Variants in MAST3 observed in about 807,000 individuals in gnomAD.
The protein encoded by MAST3 is microtubule associated serine/threonine kinase 3.
In MAST3, 43 loss-of-function variants were observed where a neutral mutation model predicts 127.0. The observed-to-expected ratio is 0.34, with a 90% CI of 0.27 to 0.44. MAST3 has a LOEUF of 0.44. Ranked by LOEUF, MAST3 falls within the 20% of genes least tolerant of loss-of-function variation. The pLI, the probability that MAST3 is intolerant of heterozygous loss-of-function variation, is 1.00. For missense variants in MAST3, 1,390 were observed against 1,919.1 expected (o/e 0.72, Z 5.15); for synonymous variants, 785 against 809.2 (o/e 0.97, Z 0.51).
intron 20 of MAST3, among the ~76,000 whole-genome samples, chr19:18,141,148 T>A (rs1017341763): frequency 7.2e-5 from 11 of 152,146 alleles, no homozygotes; most frequent in African/African-American, 2.4e-4. Flanking sequence ...ACTTTTTTTA[T>A]GATCTGATCA....
chr19:18,130,356 TAAGGAGAA>T, intron 13 of MAST3, 130 bp from the exon 14 acceptor site: 1 of 728,582 alleles, frequency 1.4e-6, no homozygotes, highest in Non-Finnish European at 2.3e-6. Context: ...GGGGAACAGG[TAAGGAGAA>T]TGGGTGGCCC....
At chr19:18,136,316 G>A (rs1047015257) in intron 18 of MAST3, among the ~76,000 whole-genome samples, 2 of 152,218 alleles carry the variant, frequency 1.3e-5, no homozygotes, top group African/African-American at 2.4e-5. Context: ...GGAGAAGCCC[G>A]GGAAGGAGGC....
intron 27 of MAST3, among the ~76,000 whole-genome samples, chr19:18,148,801 G>T (rs772285895): frequency 3.3e-5 from 5 of 152,122 alleles, no homozygotes; most frequent in Non-Finnish European, 7.3e-5. Context: ...TACTTAGGGG[G>T]CCGAGGCACG....
At chr19:18,138,463 C>T (rs2042113166) in intron 19 of MAST3, among the ~76,000 whole-genome samples, 1 of 151,616 alleles carries the variant, frequency 6.6e-6, no homozygotes, top group Admixed American at 6.6e-5. Context: ...TTACAGGTGC[C>T]TGCCACCATG....
rs1599666458 is a variant in MAST3 at position 18,107,718 on chromosome 19, C to T, written c.71+100C>T. The T allele has an allele frequency of 9.9e-6, 12 of 1,210,848 alleles. No homozygotes were observed. In the East Asian group the frequency reaches 2.2e-4, roughly 22 times the overall value. The allele number at this position is 1,210,848 out of a possible 1,614,324, so 75.0% of individuals were successfully genotyped here. A position where few individuals can be genotyped will look rare whatever the true frequency, so the allele number is the denominator to read the frequency against. On this transcript the variant is annotated intron_variant, in intron 2 of 27. Coordinates refer to ENST00000687212, the MANE Select transcript of MAST3 (RefSeq NM_001393504.1). ...GAATTGTGAATGTATTTAATAATTA[C>T]AGCAACACATCTCATGTTCATTCTT...
At position 18,139,012 on chromosome 19, in the gene MAST3, C is replaced by T; in HGVS notation, c.2096-3C>T. On this transcript the variant is annotated splice_polypyrimidine_tract_variant and splice_region_variant and intron_variant, in intron 19 of 27. Transcript: ENST00000687212. Reference sequence around the variant, plus strand: ...GTGCTGCATGTGCCTCTCCCTCCCACAGCACGTTCGGAACGTTACCGCCAT... The same window carrying T: ...GTGCTGCATGTGCCTCTCCCTCCCATAGCACGTTCGGAACGTTACCGCCAT... 6 of 1,580,466 alleles carry T rather than the reference C, an allele frequency of 3.8e-6. No individual in the cohort carries two copies. The highest frequency in any genetic ancestry group is 5.2e-6 in the Non-Finnish European group (6 of 1,162,250).
intron 18 of MAST3, among the ~76,000 whole-genome samples, chr19:18,137,026 TG>T (rs1221230596): frequency 2.0e-5 from 3 of 152,174 alleles, no homozygotes; most frequent in Non-Finnish European, 4.4e-5. Context: ...TTTGCCATGC[TG>T]GCCAGACTGG....
chr19:18,106,623 G>A (rs1482364432), intron 1 of MAST3, among the ~76,000 whole-genome samples: 1 of 151,186 alleles, frequency 6.6e-6, no homozygotes, highest in African/African-American at 2.4e-5. Flanking sequence ...CCAGGCTGGA[G>A]TGCAATGGTG....
chr19:18,110,242 C>G lies in MAST3; in HGVS notation c.72-410C>G. 1 of 985,538 alleles carries G rather than the reference C, an allele frequency of 1.0e-6. No individual in the cohort carries two copies. The highest frequency in any genetic ancestry group is 1.2e-6 in the Non-Finnish European group (1 of 830,006). 61.0% of individuals were successfully genotyped at this position (985,538 alleles called of 1,614,324 possible). ...CCGTGTGTCCGTCCGTCGGTCCGCT[C>G]GCGCCACGATCAGGGCTTCCGGGGG... On this transcript the variant is annotated intron_variant, in intron 2 of 27. Transcript: ENST00000687212. The surrounding 1 kb of genome is among the most constrained non-coding windows in gnomAD (Gnocchi z 4.3).
chr19:18,122,847 G>A (rs1249150249), intron 6 of MAST3, 96 bp downstream of exon 6: 3 of 1,311,466 alleles, frequency 2.3e-6, no homozygotes, highest in East Asian at 5.0e-5. Context: ...GGATAGTTGT[G>A]CAGTCAGCAA....
chr19:18,130,807 G>A (rs1815598204), intron 14 of MAST3, 105 bp downstream of exon 14: 2 of 1,155,514 alleles, frequency 1.7e-6, no homozygotes, highest in South Asian at 2.8e-5. Flanking sequence ...TCCTCCATGA[G>A]GTCTCACCCT....
Position 18,128,422 on chromosome 19 carries a change from CGAA to C in MAST3, c.1108_1110del (p.Glu370del). 6.4e-7 allele frequency: 1 copy of C among 1,556,052 alleles called. No individual in the cohort carries two copies. Among genetic ancestry groups the C allele is most frequent in the Non-Finnish European group, 8.7e-7 (1 of 1,150,220 alleles). Reference sequence around the variant, plus strand: ...CAGAGATGGTGCCACTGAGTCACCTCGAAGAAGAACAGCCCCCAGCACCTGAGT... The same window carrying C: ...CAGAGATGGTGCCACTGAGTCACCTCGAAGAACAGCCCCCAGCACCTGAGT... On this transcript the variant is annotated inframe_deletion, in exon 12 of 28. Coordinates refer to ENST00000687212, the MANE Select transcript of MAST3 (RefSeq NM_001393504.1).
In MAST3 at chr19:18,110,413, G is replaced by C; in HGVS notation, c.72-239G>C. Reference sequence around the variant, plus strand: ...GGTATGCGGGGTGCAGGGAGGACAGGATGACAACTACCCTCCCCCCACGTC... The same window carrying C: ...GGTATGCGGGGTGCAGGGAGGACAGCATGACAACTACCCTCCCCCCACGTC... On this transcript the variant is annotated intron_variant, in intron 2 of 27. Coordinates refer to ENST00000687212, the MANE Select transcript of MAST3 (RefSeq NM_001393504.1). The surrounding 1 kb of genome is among the most constrained non-coding windows in gnomAD (Gnocchi z 4.3). 1.0e-6 allele frequency: 1 copy of C among 985,010 alleles called. No individual in the cohort carries two copies. The allele number at this position is 985,010 out of a possible 1,614,324, so 61.0% of individuals were successfully genotyped here. A position where few individuals can be genotyped will look rare whatever the true frequency, so the allele number is the denominator to read the frequency against.
intron 1 of MAST3, among the ~76,000 whole-genome samples, chr19:18,099,276 T>G (rs1265869235): frequency 8.9e-5 from 6 of 67,276 alleles, no homozygotes; most frequent in East Asian, 4.5e-4. Flanking sequence ...CGCGCGGGGG[T>G]GGGGCAGAAC....
chr19:18,098,546 C>A (rs1464791549), intron 1 of MAST3, among the ~76,000 whole-genome samples: 1 of 152,092 alleles, frequency 6.6e-6, no homozygotes, highest in African/African-American at 2.4e-5. Flanking sequence ...GGGACACAGG[C>A]GTCGGGGACA....
In MAST3 at chr19:18,134,834, G is replaced by A; in HGVS notation, c.1722G>A (p.Glu574=). Residue 574 remains glutamate, a synonymous_variant, in exon 17 of 28, where the codon GAG becomes GAA. Transcript: ENST00000687212. ...TGGCCCAGGTGTGTGGGACGCCGGA[G>A]TACATAGCCCCCGAGGTGATCTTCC... The part of the protein sequence containing the change: ...FIDKQVCGTP[E]YIAPEVIFRQ... The A allele has an allele frequency of 6.2e-7, 1 of 1,614,014 alleles. No individual in the cohort carries two copies. Among genetic ancestry groups the A allele is most frequent in the East Asian group, 2.2e-5 (1 of 44,884 alleles).
At chr19:18,139,817 T>G (rs796832371) in intron 20 of MAST3, among the ~76,000 whole-genome samples, 2,591 of 16,026 alleles carry the variant, frequency 0.16, 155 homozygotes, top group African/African-American at 0.33. Flanking sequence ...AGCCATTTTT[T>G]TTTTTTCTTT....
intron 15 of MAST3, among the ~76,000 whole-genome samples, chr19:18,133,883 A>G (rs910477479): frequency 2.0e-5 from 3 of 152,116 alleles, no homozygotes; most frequent in African/African-American, 7.2e-5. Context: ...CTCTCACGCA[A>G]GTACAGTATA....
intron 27 of MAST3, among the ~76,000 whole-genome samples, chr19:18,148,931 C>T (rs958255246): frequency 2.0e-5 from 3 of 150,930 alleles, no homozygotes; most frequent in African/African-American, 7.3e-5. Context: ...GCCATGGTGA[C>T]GTGCACCTGT....
Sources: allele counts gnomAD v4.1 joint callset (sites outside exome capture counted in the v4.1 genomes callset), GRCh38; gene constraint gnomAD v4.1.1; non-coding constraint Gnocchi (gnomAD v3.1); transcripts MANE v1.5; gene names NCBI Gene and HGNC (gene_info 2026-07-23, HGNC 2026-07-21).